CALN1: variants seen among roughly 807,000 people sequenced by gnomAD.
The protein encoded by CALN1 is calneuron 1.
A neutral mutation model predicts 30.6 loss-of-function variants in CALN1; 17 were observed. That is an observed-to-expected ratio of 0.56 (90% CI 0.38 to 0.83). The LOEUF is 0.83. Among genes scored for constraint, CALN1 ranks in the 40% least tolerant of loss-of-function variants. The pLI is 0.00. For synonymous variants in CALN1, 156 were observed against 131.4 expected, an observed-to-expected ratio of 1.19 and a Z score of -1.28; for missense variants, 291 against 354.9, an observed-to-expected ratio of 0.82 and a Z score of 1.45.
rs958313100 is a variant in CALN1, at chr7:71,816,324, A to C, written c.502-5832T>G. ...AACGATCCTAGACAGGAATTTTGAC[A>C]TACACTCAGAGAAAACTCATGGGAC... On this transcript the variant is annotated intron_variant, in intron 5 of 6. Transcript: ENST00000395275. Among the ~76,000 whole-genome samples the C allele has an allele frequency of 3.3e-5, 5 of 152,162 alleles. No homozygotes were observed. The East Asian group carries it at 9.6e-4, about 29-fold the overall frequency.
At chr7:71,800,774 TTAAA>T (rs60325288) in intron 6 of CALN1, among the ~76,000 whole-genome samples, 12,262 of 151,918 alleles carry the variant, frequency 0.081, 888 homozygotes, top group East Asian at 0.25. Context: ...TAGACCCAGG[TTAAA>T]ATTATTTTCT....
intron 5 of CALN1, among the ~76,000 whole-genome samples, chr7:71,979,072 G>T (rs563853376): frequency 6.6e-6 from 1 of 152,070 alleles, no homozygotes; most frequent in Non-Finnish European, 1.5e-5. Flanking sequence ...CAGGACTGAG[G>T]TCAGGCAAGC....
At chr7:72,222,447 T>C (rs572412473) in intron 3 of CALN1, among the ~76,000 whole-genome samples, 43 of 152,188 alleles carry the variant, frequency 2.8e-4, no homozygotes, top group Admixed American at 8.5e-4. Flanking sequence ...TTTTAAACTA[T>C]CAGATCTCAC....
chr7:72,215,682 GA>G (rs1247882385), intron 3 of CALN1, among the ~76,000 whole-genome samples: 1 of 151,684 alleles, frequency 6.6e-6, no homozygotes, highest in African/African-American at 2.4e-5. Context: ...CAAAAGACTT[GA>G]AATAAAGACA....
At chr7:72,359,028 A>G (rs1585574832) in intron 2 of CALN1, among the ~76,000 whole-genome samples, 1 of 151,364 alleles carries the variant, frequency 6.6e-6, no homozygotes, top group South Asian at 2.1e-4. Context: ...ATCACAGTGC[A>G]TCCTTTTTTC....
intron 2 of CALN1, among the ~76,000 whole-genome samples, chr7:72,350,603 GAAC>G (rs918791785): frequency 4.6e-5 from 7 of 152,108 alleles, no homozygotes; most frequent in Admixed American, 2.0e-4. Context: ...ACGAGGAAGA[GAAC>G]AACAGACACC....
At position 72,398,458 on chromosome 7, in the gene CALN1, T is replaced by C. The variant is rs144907480; in HGVS notation, c.119+4793A>G. Reference sequence around the variant, plus strand: ...ACTTTGTTTGGAACATGAGTTATTTTTAGATCACATATCAATAGTGCACAT... The same window carrying C: ...ACTTTGTTTGGAACATGAGTTATTTCTAGATCACATATCAATAGTGCACAT... On this transcript the variant is annotated intron_variant, in intron 2 of 6. Coordinates refer to ENST00000395275, the MANE Select transcript of CALN1 (RefSeq NM_031468.4). Among the ~76,000 whole-genome samples, 787 of 152,352 alleles carry C rather than the reference T, an allele frequency of 5.2e-3. 4 individuals carry two copies. The highest frequency in any genetic ancestry group is 0.018 in the African/African-American group (755 of 41,578).
At chr7:72,344,997 ATAT>A (rs957579616) in intron 2 of CALN1, among the ~76,000 whole-genome samples, 1 of 147,850 alleles carries the variant, frequency 6.8e-6, no homozygotes, top group Non-Finnish European at 1.5e-5. Flanking sequence ...AAATAATGAT[ATAT>A]AATACATTAT....
chr7:72,280,278 G>T (rs1213994039), intron 2 of CALN1, among the ~76,000 whole-genome samples: 2 of 152,300 alleles, frequency 1.3e-5, no homozygotes, highest in African/African-American at 4.8e-5. Flanking sequence ...AAGTAAAACA[G>T]ACACATGGCT....
intron 3 of CALN1, among the ~76,000 whole-genome samples, chr7:72,225,746 A>G (rs963634752): frequency 1.3e-5 from 2 of 152,128 alleles, no homozygotes; most frequent in African/African-American, 2.4e-5. Context: ...GCTCCTAGCG[A>G]GTACCCACAA....
intron 3 of CALN1, among the ~76,000 whole-genome samples, chr7:72,220,277 T>A (rs1793184466): frequency 6.8e-6 from 1 of 147,960 alleles, no homozygotes; most frequent in African/African-American, 2.5e-5. Flanking sequence ...CACCTATGAG[T>A]GAGAACATGT....
intron 2 of CALN1, among the ~76,000 whole-genome samples, chr7:72,341,856 T>A (rs1802400189): frequency 6.6e-6 from 1 of 152,122 alleles, no homozygotes; most frequent in African/African-American, 2.4e-5. Context: ...TTGGCTGTTG[T>A]TACAAGTGAA....
intron 4 of CALN1, among the ~76,000 whole-genome samples, chr7:72,040,306 C>T (rs1194349030): frequency 6.8e-6 from 1 of 147,442 alleles, no homozygotes. Context: ...GAGAGCTCAT[C>T]CTTACAAAAA....
At chr7:72,460,117 G>A in the CALN1 span, among the ~76,000 whole-genome samples, 23 of 152,020 alleles carry the variant, frequency 1.5e-4, no homozygotes, top group African/African-American at 5.6e-4. Flanking sequence ...CATCTTACAT[G>A]AACTAATAGA....
chr7:72,086,200 T>C (rs1805472737), intron 4 of CALN1, among the ~76,000 whole-genome samples: 1 of 152,204 alleles, frequency 6.6e-6, no homozygotes, highest in South Asian at 2.1e-4. Context: ...TGTACATTAA[T>C]GAACGTGACA....
intron 6 of CALN1, among the ~76,000 whole-genome samples, chr7:71,809,463 T>TAAAAAAAAA (rs1175929275): frequency 2.0e-4 from 1 of 4,908 alleles, no homozygotes; most frequent in Admixed American, 2.0e-3. Flanking sequence ...ATTTAAATGT[T>TAAAAAAAAA]CAAAAAAAAA....
chr7:72,089,557 A>G (rs189176350), intron 4 of CALN1, among the ~76,000 whole-genome samples: 1 of 152,290 alleles, frequency 6.6e-6, no homozygotes, highest in Admixed American at 6.5e-5. Context: ...AAAATCACAG[A>G]AAAAGGTAGG....
chr7:72,001,907 T>G (rs962497147), intron 5 of CALN1, among the ~76,000 whole-genome samples: 9 of 152,040 alleles, frequency 5.9e-5, no homozygotes, highest in African/African-American at 2.2e-4. Flanking sequence ...ATCAACATAA[T>G]CCACCATATC....
intron 2 of CALN1, among the ~76,000 whole-genome samples, chr7:72,294,699 A>AT (rs1168203236): frequency 6.6e-6 from 1 of 151,740 alleles, no homozygotes; most frequent in African/African-American, 2.4e-5. Context: ...CAGTGAGCAT[A>AT]ATGTTGCCAC....
Sources: allele counts gnomAD v4.1 joint callset (sites outside exome capture counted in the v4.1 genomes callset), GRCh38; gene constraint gnomAD v4.1.1; transcripts MANE v1.5; gene names NCBI Gene and HGNC (gene_info 2026-07-23, HGNC 2026-07-21).